The following PSMF1 variants were observed in gnomAD, a reference collection of about 807,000 sequenced individuals.
The protein encoded by PSMF1 is proteasome inhibitor PI31 subunit.
Under a neutral mutation model 29.3 loss-of-function variants are expected in PSMF1, and 30 were observed. That is an observed-to-expected ratio of 1.02 (90% CI 0.77 to 1.39). The LOEUF (loss-of-function observed/expected upper bound fraction) is 1.39. Ranked by LOEUF, PSMF1 falls within the 40% of genes most tolerant of loss-of-function variation. The pLI is 0.00. For synonymous variants in PSMF1, 134 were observed against 139.7 expected (o/e 0.96, Z 0.29); for missense variants, 344 against 357.5 (o/e 0.96, Z 0.31).
intron 4 of PSMF1, among the ~76,000 whole-genome samples, chr20:1,148,829 C>A (rs536771060): frequency 5.9e-5 from 9 of 152,048 alleles, no homozygotes; most frequent in Middle Eastern, 3.4e-3. Flanking sequence ...TCTCAGGAAC[C>A]CTCTAGCACT....
In PSMF1 at chr20:1,168,594, C is replaced by T. The variant is rs2086757928; in HGVS notation, c.*3514C>T. Among the ~76,000 whole-genome samples, 1 of 152,210 alleles carries T rather than the reference C, an allele frequency of 6.6e-6. No homozygotes were observed. Among genetic ancestry groups the T allele is most frequent in the Non-Finnish European group, 1.5e-5 (1 of 68,044 alleles). ...ACTGAAACTCCAAGAATGTATTGTG[C>T]TCACAGTGGCGATGGTGTTCCTGTG... On this transcript the variant is annotated 3_prime_UTR_variant, in exon 7 of 7. Coordinates refer to ENST00000335877, the MANE Select transcript of PSMF1 (RefSeq NM_006814.5).
intron 4 of PSMF1, among the ~76,000 whole-genome samples, chr20:1,145,545 C>T (rs2086439270): frequency 6.6e-6 from 1 of 152,134 alleles, no homozygotes; most frequent in Non-Finnish European, 1.5e-5. Flanking sequence ...GTGCAGAGCC[C>T]TGGAAGGACA....
rs1280831231 is a variant in PSMF1 at position 1,169,833 on chromosome 20, T to C, written c.*4753T>C. ...ACTGGCATGGAATATTGGGGAGATG[T>C]CTTTATTCCCTCTTCCCACCTTTCC... On this transcript the variant is annotated 3_prime_UTR_variant, in exon 7 of 7. Transcript: ENST00000335877. Among the ~76,000 whole-genome samples the C allele has an allele frequency of 1.3e-5, 2 of 152,200 alleles. No individual in the cohort carries two copies. Among genetic ancestry groups the C allele is most frequent in the Non-Finnish European group, 2.9e-5 (2 of 68,040 alleles).
At position 1,135,243 on chromosome 20, in the gene PSMF1, C is replaced by G. The variant is rs777003948; in HGVS notation, c.488C>G (p.Ala163Gly). The G allele has an allele frequency of 2.5e-6, 4 of 1,614,110 alleles. No individual in the cohort carries two copies. The highest frequency in any genetic ancestry group is 3.4e-6 in the Non-Finnish European group (4 of 1,180,000). The change falls in exon 4 of 7, where the codon GCC (alanine) becomes GGC (glycine). Residue 163 changes from alanine to glycine, a missense_variant. By Grantham distance (60) the Ala-to-Gly change is moderately conservative. Transcript: ENST00000335877. ...CACCGGGAGTTCCCCCCTGCTACCGCCAGAGAGGTGGACCCACTCCGGATT... is the reference window on the plus strand; with the variant it reads ...CACCGGGAGTTCCCCCCTGCTACCGGCAGAGAGGTGGACCCACTCCGGATT... ...SPHREFPPAT[A>G]REVDPLRIPP... is the part of the protein sequence containing the mutation.
Position 1,164,396 on chromosome 20 carries a change from C to T in PSMF1, c.684C>T (p.Leu228=), listed in dbSNP as rs1201556271. 5.6e-6 allele frequency: 9 copies of T among 1,614,168 alleles called. No homozygotes were observed. The highest frequency in any genetic ancestry group is 6.8e-6 in the Non-Finnish European group (8 of 1,180,006). ...PRALIDPSSG[L]PNRLPPGAVP... Reference sequence around the variant, plus strand: ...CACTTATTGACCCTTCCTCAGGCCTCCCGAACCGACTTCCTCCAGGCGCTG... The same window carrying T: ...CACTTATTGACCCTTCCTCAGGCCTTCCGAACCGACTTCCTCCAGGCGCTG... Residue 228 remains leucine (L), a synonymous_variant, in exon 6 of 7, where the codon CTC becomes CTT. Transcript: ENST00000335877. This position sits in a 1 kb window ranked among gnomAD's most constrained non-coding sequence, Gnocchi z 4.1.
chr20:1,121,155 G>A (rs926826651), intron 1 of PSMF1, among the ~76,000 whole-genome samples: 1 of 151,140 alleles, frequency 6.6e-6, no homozygotes, highest in Non-Finnish European at 1.5e-5. Flanking sequence ...AAAGGTCCTT[G>A]ACCAATTCCC....
intron 1 of PSMF1, among the ~76,000 whole-genome samples, chr20:1,124,049 G>A (rs1296605177): frequency 2.0e-5 from 3 of 152,126 alleles, no homozygotes; most frequent in Non-Finnish European, 2.9e-5. Context: ...TTCCCTTTAT[G>A]TAGAGGTTAT....
chr20:1,152,367 A>C (rs1409693612), intron 4 of PSMF1, among the ~76,000 whole-genome samples: 1 of 152,220 alleles, frequency 6.6e-6, no homozygotes, highest in East Asian at 1.9e-4. Flanking sequence ...ATGTATTGGC[A>C]GTTGTTTCAG....
chr20:1,153,183 A>G (rs1220149748), intron 4 of PSMF1, among the ~76,000 whole-genome samples: 2 of 152,180 alleles, frequency 1.3e-5, no homozygotes, highest in African/African-American at 4.8e-5. Context: ...AGGCCAGTAA[A>G]GTGAGGAAAG....
intron 4 of PSMF1, among the ~76,000 whole-genome samples, chr20:1,141,841 C>G (rs1197146088): frequency 1.3e-5 from 2 of 152,118 alleles, no homozygotes; most frequent in South Asian, 4.1e-4. Flanking sequence ...GATTAACATA[C>G]AAAAGTTAAT....
Position 1,153,726 on chromosome 20 carries a change from T to C in PSMF1, c.552-9404T>C, listed in dbSNP as rs190679979. Among the ~76,000 whole-genome samples the C allele has an allele frequency of 8.5e-5, 13 of 152,314 alleles. No individual in the cohort carries two copies. The East Asian group carries it at 2.3e-3, about 27-fold the overall frequency. On this transcript the variant is annotated intron_variant, in intron 4 of 6. Transcript: ENST00000335877. ...TGAGGTTTCCAAGAGTCTTAACCCG[T>C]TACTACATCAACTCAGTCTAAAATC...
intron 3 of PSMF1, among the ~76,000 whole-genome samples, chr20:1,132,977 T>TG (rs1290600403): frequency 1.3e-5 from 2 of 150,324 alleles, no homozygotes; most frequent in Non-Finnish European, 3.0e-5. Flanking sequence ...TTGTTTTTTT[T>TG]TTTTTTTGGT....
chr20:1,149,487 G>A (rs900215322), intron 4 of PSMF1, among the ~76,000 whole-genome samples: 2 of 152,216 alleles, frequency 1.3e-5, no homozygotes, highest in South Asian at 4.1e-4. Context: ...GCTAATTTTT[G>A]CTTGAAAACT....
In PSMF1 at chr20:1,165,959, G is replaced by A; in HGVS notation, c.*879G>A. ...CTATGAAATTGGAGGTGGCTTTCCTGCTCTAAAGCATTTTGATGTCTCATT... is the reference window on the plus strand; with the variant it reads ...CTATGAAATTGGAGGTGGCTTTCCTACTCTAAAGCATTTTGATGTCTCATT... On this transcript the variant is annotated 3_prime_UTR_variant, in exon 7 of 7. Transcript: ENST00000335877. 3.6e-6 allele frequency: 5 copies of A among 1,377,152 alleles called. No individual in the cohort carries two copies. The East Asian group carries it at 1.4e-4, about 37-fold the overall frequency. 85.3% of individuals were successfully genotyped at this position (1,377,152 alleles called of 1,614,324 possible).
Position 1,135,876 on chromosome 20 carries a change from G to C in PSMF1, c.551+570G>C, listed in dbSNP as rs560145541. 7.2e-5 allele frequency among the ~76,000 whole-genome samples: 11 copies of C among 152,336 alleles called. No individual in the cohort carries two copies. In the East Asian group the frequency reaches 1.9e-3, roughly 27 times the overall value. On this transcript the variant is annotated intron_variant, in intron 4 of 6. Coordinates refer to ENST00000335877, the MANE Select transcript of PSMF1 (RefSeq NM_006814.5). The stretch of plus-strand genomic sequence containing the variant: ...GGCAGCATTAGGACTGGAGACTTCT[G>C]CTCAGAGGGAGGAGACAAGGACCAG...
chr20:1,165,839 A>C lies in PSMF1; in HGVS notation c.*759A>C, dbSNP rs577944272. ...GCAGTAGTCAAAAAGCCAAGGAAAA[A>C]ACAGAGCAGACCTGAAGGCTAATCT... On this transcript the variant is annotated 3_prime_UTR_variant, in exon 7 of 7. Coordinates refer to ENST00000335877, the MANE Select transcript of PSMF1 (RefSeq NM_006814.5). The C allele has an allele frequency of 3.3e-5, 36 of 1,096,520 alleles. No individual in the cohort carries two copies. The East Asian group carries it at 3.6e-4, about 11-fold the overall frequency. The allele number at this position is 1,096,520 out of a possible 1,614,324, so 67.9% of individuals were successfully genotyped here. A position where few individuals can be genotyped will look rare whatever the true frequency, so the allele number is the denominator to read the frequency against.
chr20:1,133,569 A>ATATATATATATATATATATATATAT, intron 3 of PSMF1, among the ~76,000 whole-genome samples: 16 of 53,290 alleles, frequency 3.0e-4, no homozygotes, highest in Admixed American at 1.2e-3. Flanking sequence ...ATATATATAT[A>ATATATATATATATATATATATATAT]TTTTTTTTTT....
chr20:1,132,561 C>G lies in PSMF1; in HGVS notation c.366-2560C>G, dbSNP rs2086244105. Among the ~76,000 whole-genome samples, 3 of 151,994 alleles carry G rather than the reference C, an allele frequency of 2.0e-5. No homozygotes were observed. In the South Asian group the frequency reaches 6.2e-4, roughly 32 times the overall value. On this transcript the variant is annotated intron_variant, in intron 3 of 6. Coordinates refer to ENST00000335877, the MANE Select transcript of PSMF1 (RefSeq NM_006814.5). ...AAGTGCTGGGATTACAGACGTGAGC[C>G]ACCGCACCTGGCCTCTGTGCCTTTT... is the stretch of plus-strand genomic sequence containing the variant.
intron 2 of PSMF1, among the ~76,000 whole-genome samples, chr20:1,126,252 TG>T (rs1352043306): frequency 6.6e-6 from 1 of 152,256 alleles, no homozygotes; most frequent in Non-Finnish European, 1.5e-5. Flanking sequence ...TATTCTGCCA[TG>T]GGACTATAAG....
Sources: allele counts gnomAD v4.1 joint callset (sites outside exome capture counted in the v4.1 genomes callset), GRCh38; gene constraint gnomAD v4.1.1; non-coding constraint Gnocchi (gnomAD v3.1); transcripts MANE v1.5; gene names NCBI Gene and HGNC (gene_info 2026-07-23, HGNC 2026-07-21).